The following BBS4 variants were observed in gnomAD, a reference collection of about 807,000 sequenced individuals.
BBS4 encodes Bardet-Biedl syndrome 4.
In BBS4, 58 loss-of-function variants were observed where a neutral mutation model predicts 71.4. That is an observed-to-expected ratio of 0.81 (90% confidence interval 0.66 to 1.01). The LOEUF is 1.01. Ranked by LOEUF, BBS4 falls within the 50% of genes least tolerant of loss-of-function variation. BBS4 has a pLI of 0.00. For missense variants in BBS4, 660 were observed against 607.9 expected (o/e 1.09, Z -0.90); for synonymous variants, 228 against 216.8 (o/e 1.05, Z -0.46).
At chr15:72,713,608 TGTA>T (rs765310863) in intron 4 of BBS4, among the ~76,000 whole-genome samples, 2 of 152,208 alleles carry the variant, frequency 1.3e-5, no homozygotes, top group Admixed American at 6.5e-5. Context: ...AAACCAGTAA[TGTA>T]GTCATTTATT....
At chr15:72,692,304 ATTTTTTTTTTT>A (rs398027909) in intron 1 of BBS4, among the ~76,000 whole-genome samples, 86 of 59,284 alleles carry the variant, frequency 1.5e-3, no homozygotes, top group Middle Eastern at 0.018. Flanking sequence ...TTACATTGCA[ATTTTTTTTTTT>A]TTTTTTTTTT....
At chr15:72,710,360 C>T (rs1051179813) in intron 3 of BBS4, among the ~76,000 whole-genome samples, 2 of 151,786 alleles carry the variant, frequency 1.3e-5, no homozygotes, top group Non-Finnish European at 2.9e-5. Context: ...GTCACCATGC[C>T]CAGCTAATTT....
chr15:72,707,864 T>C (rs1595919647), intron 2 of BBS4, among the ~76,000 whole-genome samples: 1 of 152,364 alleles, frequency 6.6e-6, no homozygotes, highest in Admixed American at 6.5e-5. Flanking sequence ...TTTTTCATCG[T>C]TGACTTCTCA....
chr15:72,695,440 AC>A (rs1212434098), intron 2 of BBS4, among the ~76,000 whole-genome samples: 1 of 152,106 alleles, frequency 6.6e-6, no homozygotes, highest in Non-Finnish European at 1.5e-5. Context: ...GGTGCACGCC[AC>A]CACACCTGGC....
At chr15:72,692,880 G>T (rs1158992503) in intron 1 of BBS4, among the ~76,000 whole-genome samples, 2 of 152,096 alleles carry the variant, frequency 1.3e-5, no homozygotes, top group Admixed American at 6.5e-5. Flanking sequence ...TTATAGGTGT[G>T]AGCCACCACA....
intron 6 of BBS4, among the ~76,000 whole-genome samples, chr15:72,720,663 A>G (rs1201382195): frequency 6.6e-6 from 1 of 152,094 alleles, no homozygotes; most frequent in East Asian, 1.9e-4. Flanking sequence ...TGAGGAAGCT[A>G]AGGCTTTGGA....
intron 2 of BBS4, among the ~76,000 whole-genome samples, chr15:72,701,763 A>C (rs2065173173): frequency 6.6e-6 from 1 of 152,192 alleles, no homozygotes; most frequent in Non-Finnish European, 1.5e-5. Flanking sequence ...AGTTATTTTT[A>C]AAAATCATTT....
chr15:72,716,551 T>C (rs2065471379), intron 5 of BBS4, among the ~76,000 whole-genome samples: 1 of 152,172 alleles, frequency 6.6e-6, no homozygotes, highest in African/African-American at 2.4e-5. Context: ...CTAAAATTGG[T>C]ATAGAATGAG....
At position 72,693,563 on chromosome 15, in the gene BBS4, G is replaced by A. The variant is rs183678233; in HGVS notation, c.25-1614G>A. 1.3e-4 allele frequency among the ~76,000 whole-genome samples: 20 copies of A among 152,310 alleles called. No individual in the cohort carries two copies. The East Asian group carries it at 3.9e-3, about 29-fold the overall frequency. On this transcript the variant is annotated intron_variant, in intron 1 of 15. Transcript: ENST00000268057. ...GGACAAAAGCAACCATAGACATTAT[G>A]TAAACATGAGTGTGGGTATGTTCTC...
At chr15:72,715,172 T>C in intron 4 of BBS4, 119 bp from the exon 5 acceptor site, 1 of 730,920 alleles carries the variant, frequency 1.4e-6, no homozygotes, top group Non-Finnish European at 2.4e-6. Context: ...GATACAGTTG[T>C]CCAAAGGATT....
intron 10 of BBS4, 30 bp downstream of exon 10, chr15:72,729,714 C>G: frequency 6.3e-7 from 1 of 1,592,816 alleles, no homozygotes. Context: ...CTCTGGCCTT[C>G]ATATAGACGG....
At chr15:72,723,941 T>G (rs1772822119) in intron 7 of BBS4, among the ~76,000 whole-genome samples, 1 of 152,234 alleles carries the variant, frequency 6.6e-6, no homozygotes. Flanking sequence ...ATACAATACC[T>G]GGCATTTATA....
chr15:72,716,888 C>T, intron 6 of BBS4, 38 bp downstream of exon 6: 2 of 1,391,298 alleles, frequency 1.4e-6, no homozygotes, highest in Non-Finnish European at 2.0e-6. Flanking sequence ...TATTAGTAAA[C>T]TTGCTAATGG....
At chr15:72,714,220 CTT>C (rs58123834) in intron 4 of BBS4, among the ~76,000 whole-genome samples, 12 of 98,478 alleles carry the variant, frequency 1.2e-4, no homozygotes, top group African/African-American at 3.6e-4. Flanking sequence ...CACTCACTTA[CTT>C]TTTTTTTTTT....
chr15:72,702,701 G>A (rs1369278457), intron 2 of BBS4, among the ~76,000 whole-genome samples: 3 of 150,708 alleles, frequency 2.0e-5, no homozygotes, highest in Admixed American at 6.6e-5. Context: ...CATCATTTAT[G>A]TACCTGAACA....
chr15:72,729,223 G>T (rs1193953747), intron 9 of BBS4, among the ~76,000 whole-genome samples: 29 of 49,332 alleles, frequency 5.9e-4, no homozygotes, highest in Non-Finnish European at 6.4e-4. Flanking sequence ...GAGCATTTCT[G>T]TTCTGGGTGA....
chr15:72,705,749 T>A (rs1266342462), intron 2 of BBS4, among the ~76,000 whole-genome samples: 1 of 151,732 alleles, frequency 6.6e-6, no homozygotes, highest in Non-Finnish European at 1.5e-5. Context: ...GTGCCTCCAC[T>A]CCTGGCTAAT....
intron 1 of BBS4, among the ~76,000 whole-genome samples, chr15:72,687,642 A>C (rs2064886558): frequency 6.7e-6 from 1 of 149,836 alleles, no homozygotes. Flanking sequence ...AAAATAATTA[A>C]ATAGGCCAGG....
chr15:72,731,475 TTC>T lies in BBS4; in HGVS notation c.864+20_864+21del. 1.2e-6 allele frequency: 2 copies of T among 1,614,086 alleles called. No individual in the cohort carries two copies. The highest frequency in any genetic ancestry group is 2.2e-5 in the South Asian group (2 of 91,080). ...ATGTGGCGGTGAGTGTCCCCTCATGTTCTTTGTTTGTATTTCTACATGTGGTT... is the reference window on the plus strand; with the variant it reads ...ATGTGGCGGTGAGTGTCCCCTCATGTTTTGTTTGTATTTCTACATGTGGTT... On this transcript the variant is annotated intron_variant, in intron 11 of 15. Coordinates refer to ENST00000268057, the MANE Select transcript of BBS4 (RefSeq NM_033028.5).
Sources: allele counts gnomAD v4.1 joint callset (sites outside exome capture counted in the v4.1 genomes callset), GRCh38; gene constraint gnomAD v4.1.1; transcripts MANE v1.5; gene names NCBI Gene and HGNC (gene_info 2026-07-23, HGNC 2026-07-21).